Variants in SIPA1L2 observed in about 807,000 individuals in gnomAD.
SIPA1L2 encodes the protein signal induced proliferation associated 1 like 2.
Under a neutral mutation model 163.9 loss-of-function variants are expected in SIPA1L2, and 56 were observed. The ratio of observed to expected loss-of-function variants is 0.34; its 90% CI spans 0.28 to 0.43. SIPA1L2 has a LOEUF of 0.43. SIPA1L2 is among the 20% of genes least tolerant of loss of function. The probability of loss-of-function intolerance (pLI) is 1.00; values close to 1 mark genes in which losing one functional copy is unlikely to be tolerated. For synonymous variants in SIPA1L2, 877 were observed against 865.7 expected (o/e 1.01, Z -0.23); for missense variants, 1,974 against 2,193.5 (o/e 0.90, Z 2.00).
rs543726761 is a variant in SIPA1L2, at chr1:232,504,116, C to T, written c.1483+9741G>A. ...ACTCAGGAGGCTGAGGCAGGAGAATCGCTTGAACCCAGGAGGCAGAGGTTG... is the reference window on the plus strand; with the variant it reads ...ACTCAGGAGGCTGAGGCAGGAGAATTGCTTGAACCCAGGAGGCAGAGGTTG... On this transcript the variant is annotated intron_variant, in intron 3 of 22. Coordinates refer to ENST00000674635, the MANE Select transcript of SIPA1L2 (RefSeq NM_020808.5). Among the ~76,000 whole-genome samples, 6 of 151,750 alleles carry T rather than the reference C, an allele frequency of 4.0e-5. No homozygotes were observed. The South Asian group carries it at 8.4e-4, about 21-fold the overall frequency.
chr1:232,477,101 CATT>C (rs564532197), intron 7 of SIPA1L2, among the ~76,000 whole-genome samples: 1 of 152,152 alleles, frequency 6.6e-6, no homozygotes. Context: ...TTGCAAGTGG[CATT>C]ATTTATCCAC....
chr1:232,521,849 T>C (rs11586377), intron 2 of SIPA1L2, among the ~76,000 whole-genome samples: 22,196 of 152,204 alleles, frequency 0.15, 2,097 homozygotes, highest in Middle Eastern at 0.27. Flanking sequence ...GCCAACCTCA[T>C]AGTCTCATAT....
chr1:232,530,638 C>A (rs533567632), intron 2 of SIPA1L2, among the ~76,000 whole-genome samples: 1 of 152,046 alleles, frequency 6.6e-6, no homozygotes, highest in Non-Finnish European at 1.5e-5. Context: ...AATCTGACTA[C>A]ACATTTTTAA....
intron 2 of SIPA1L2, among the ~76,000 whole-genome samples, chr1:232,562,666 C>T (rs576504530): frequency 6.6e-6 from 1 of 152,260 alleles, no homozygotes; most frequent in Admixed American, 6.5e-5. Flanking sequence ...GATCTGATTG[C>T]CATTTTAAAA....
intron 2 of SIPA1L2, among the ~76,000 whole-genome samples, chr1:232,552,748 C>G (rs1310897475): frequency 6.6e-6 from 1 of 152,186 alleles, no homozygotes; most frequent in Non-Finnish European, 1.5e-5. Context: ...AAAGAAATAA[C>G]ATTCATGAAA....
chr1:232,535,194 C>G (rs549719160), intron 2 of SIPA1L2, among the ~76,000 whole-genome samples: 2 of 152,232 alleles, frequency 1.3e-5, no homozygotes, highest in East Asian at 3.9e-4. Flanking sequence ...GAGCTAGGTT[C>G]CCAGTCTGCC....
In SIPA1L2 at chr1:232,531,408, T is replaced by A. The variant is rs187996361; in HGVS notation, c.-269-15800A>T. Reference sequence around the variant, plus strand: ...CATTGACGCAAGACCTAAGTTCAAATGCTGGCTTAGCCATGTACTCACTCT... The same window carrying A: ...CATTGACGCAAGACCTAAGTTCAAAAGCTGGCTTAGCCATGTACTCACTCT... On this transcript the variant is annotated intron_variant, in intron 2 of 22. Coordinates refer to ENST00000674635, the MANE Select transcript of SIPA1L2 (RefSeq NM_020808.5). 6.9e-3 allele frequency among the ~76,000 whole-genome samples: 1,044 copies of A among 152,358 alleles called. 13 individuals carry two copies. The highest frequency in any genetic ancestry group is 0.011 in the Non-Finnish European group (745 of 68,030).
At chr1:232,564,538 C>T (rs1178461023) in intron 2 of SIPA1L2, among the ~76,000 whole-genome samples, 1 of 151,720 alleles carries the variant, frequency 6.6e-6, no homozygotes, top group Non-Finnish European at 1.5e-5. Flanking sequence ...CACTCCTGGA[C>T]AGAATGAAAA....
At chr1:232,496,948 A>G (rs1185628662) in intron 3 of SIPA1L2, among the ~76,000 whole-genome samples, 1 of 152,230 alleles carries the variant, frequency 6.6e-6, no homozygotes, top group Non-Finnish European at 1.5e-5. Flanking sequence ...GATGAGCCCC[A>G]TAACAAGATC....
intron 6 of SIPA1L2, 25 bp from the exon 7 acceptor site, chr1:232,479,755 A>C: frequency 6.3e-7 from 1 of 1,590,132 alleles, no homozygotes. Flanking sequence ...GAATTACAGA[A>C]GCAAGGTAAG....
rs1405918266 is a variant in SIPA1L2, at chr1:232,437,019, A to T, written c.4031+2089T>A. ...AGAGTGGCGGAAGAAAGTAAAATCA[A>T]TCAGAAATCCAATCTAGCACTGTCA... On this transcript the variant is annotated intron_variant, in intron 15 of 22. Transcript: ENST00000674635. Among the ~76,000 whole-genome samples the T allele has an allele frequency of 2.0e-5, 3 of 152,202 alleles. No homozygotes were observed. The East Asian group carries it at 5.8e-4, about 29-fold the overall frequency.
intron 3 of SIPA1L2, among the ~76,000 whole-genome samples, chr1:232,508,747 A>G (rs2103032419): frequency 6.6e-6 from 1 of 152,344 alleles, no homozygotes; most frequent in East Asian, 1.9e-4. Context: ...CGTGAAAGGA[A>G]GGGACTTATT....
chr1:232,443,101 G>A (rs902409932), intron 12 of SIPA1L2, among the ~76,000 whole-genome samples: 1 of 152,186 alleles, frequency 6.6e-6, no homozygotes, highest in Non-Finnish European at 1.5e-5. Context: ...CTTCCCAGAG[G>A]TGGTGGGATT....
chr1:232,529,354 G>C (rs150779091), intron 2 of SIPA1L2, among the ~76,000 whole-genome samples: 1 of 152,214 alleles, frequency 6.6e-6, no homozygotes, highest in Admixed American at 6.5e-5. Flanking sequence ...TTCAAAATAC[G>C]TTGTGTTCCT....
chr1:232,490,813 C>T, intron 5 of SIPA1L2, 61 bp downstream of exon 5: 1 of 1,505,574 alleles, frequency 6.6e-7, no homozygotes, highest in South Asian at 1.3e-5. Context: ...GGGAAAACTC[C>T]AAAACTTTCA....
intron 12 of SIPA1L2, among the ~76,000 whole-genome samples, chr1:232,442,783 C>T (rs1256175584): frequency 6.6e-6 from 1 of 152,118 alleles, no homozygotes; most frequent in Non-Finnish European, 1.5e-5. Flanking sequence ...TCAAAAAATC[C>T]TCTCTTGGCT....
In SIPA1L2 at chr1:232,479,714, C is replaced by A. The variant is rs754022709; in HGVS notation, c.1998G>T (p.Thr666=). 1.9e-6 allele frequency: 3 copies of A among 1,613,290 alleles called. No homozygotes were observed. The highest frequency in any genetic ancestry group is 2.5e-6 in the Non-Finnish European group (3 of 1,179,472). The stretch of plus-strand genomic sequence containing the variant: ...CTTTGTATGTGGTATAGAGAGAGTG[C>A]GTGCCCGTGGAATCAGCTGAAAACA... ...QLDNKTDSTG[T]HSLYTTYKDY... The change falls in exon 7 of 23, where the codon ACG becomes ACT. Residue 666 remains threonine (T), a synonymous_variant. Transcript: ENST00000674635.
rs55961523 is a variant in SIPA1L2 at position 232,424,322 on chromosome 1, CAAAAAAAAA to C, written c.4630+1258_4630+1266del. 6.5e-3 allele frequency among the ~76,000 whole-genome samples: 467 copies of C among 71,790 alleles called. 3 individuals carry two copies. The highest frequency in any genetic ancestry group is 0.049 in the South Asian group (86 of 1,762). The allele number at this position is 71,790 out of a possible 152,430, so 47.1% of individuals were successfully genotyped here. A position where few individuals can be genotyped will look rare whatever the true frequency, so the allele number is the denominator to read the frequency against. On this transcript the variant is annotated intron_variant, in intron 18 of 22. Coordinates refer to ENST00000674635, the MANE Select transcript of SIPA1L2 (RefSeq NM_020808.5). Reference sequence around the variant, plus strand: ...TCTATTTTTTTTTAAGTGAAGCTAACAAAAAAAAAAAAAAAAAAAAAAAAAAAAGGACAT... The same window carrying C: ...TCTATTTTTTTTTAAGTGAAGCTAACAAAAAAAAAAAAAAAAAAAGGACAT...
In SIPA1L2 at chr1:232,398,936, G is replaced by T; in HGVS notation, c.*191C>A. 1.6e-6 allele frequency: 1 copy of T among 638,090 alleles called. No individual in the cohort carries two copies. Among genetic ancestry groups the T allele is most frequent in the Non-Finnish European group, 2.6e-6 (1 of 387,206 alleles). 39.5% of individuals were successfully genotyped at this position (638,090 alleles called of 1,614,324 possible). On this transcript the variant is annotated 3_prime_UTR_variant, in exon 23 of 23. Transcript: ENST00000674635. ...AGTTACATTCATTCATCTTCACATC[G>T]GCGCTGCTCTCTGCCGTGGTTACCG...
Sources: allele counts gnomAD v4.1 joint callset (sites outside exome capture counted in the v4.1 genomes callset), GRCh38; gene constraint gnomAD v4.1.1; transcripts MANE v1.5; gene names NCBI Gene and HGNC (gene_info 2026-07-23, HGNC 2026-07-21).